Variants in CTU2 observed in about 807,000 individuals in gnomAD.
The protein encoded by CTU2 is cytoplasmic tRNA 2-thiolation protein 2.
A neutral mutation model predicts 64.1 loss-of-function variants in CTU2; 80 were observed. The observed-to-expected ratio is 1.25, with a 90% CI of 1.04 to 1.50. CTU2 has a LOEUF of 1.50. Ranked by LOEUF, CTU2 falls within the 40% of genes most tolerant of loss-of-function variation. CTU2 has a pLI of 0.00. For missense variants in CTU2, 1,110 were observed against 690.2 expected, an observed-to-expected ratio of 1.61 and a Z score of -6.81; for synonymous variants, 482 against 285.3, an observed-to-expected ratio of 1.69 and a Z score of -6.95.
chr16:88,714,519 G>GAGGGAGCC (rs1567652885), intron 11 of CTU2, 33 bp downstream of exon 11: 1 of 1,612,474 alleles, frequency 6.2e-7, no homozygotes, highest in Non-Finnish European at 8.5e-7. Context: ...GTGATGCGGG[G>GAGGGAGCC]AGGGAGCCAG....
chr16:88,715,134 G>T lies in CTU2; in HGVS notation c.1478+28G>T, dbSNP rs373156066. 5 of 1,605,536 alleles carry T rather than the reference G, an allele frequency of 3.1e-6. No individual in the cohort carries two copies. In the African/African-American group the frequency reaches 6.7e-5, roughly 21 times the overall value. Reference sequence around the variant, plus strand: ...ACTGGGGCCCACACTGCCGTGGCGCGTGGGTAAGGGGCCTCGGGGCTGGTG... The same window carrying T: ...ACTGGGGCCCACACTGCCGTGGCGCTTGGGTAAGGGGCCTCGGGGCTGGTG... On this transcript the variant is annotated intron_variant, in intron 14 of 14. Transcript: ENST00000453996.
At chr16:88,714,290 G>T (rs569858310) in intron 10 of CTU2, 63 bp downstream of exon 10, 8 of 1,568,120 alleles carry the variant, frequency 5.1e-6, no homozygotes, top group East Asian at 4.5e-5. Context: ...GGGTGTGTGC[G>T]GGTGGTGAGC....
chr16:88,706,860 C>T (rs1910890328), intron 1 of CTU2: 1 of 558,614 alleles, frequency 1.8e-6, no homozygotes, highest in South Asian at 2.4e-5. Context: ...AGAACTGGTG[C>T]CGTGAAGCTG....
At chr16:88,709,627 C>G in intron 2 of CTU2, 1 of 400,822 alleles carries the variant, frequency 2.5e-6, no homozygotes, top group South Asian at 2.9e-5. Context: ...ACTCCACCAG[C>G]TGGGCCCTTC....
intron 12 of CTU2, 21 bp downstream of exon 12, chr16:88,714,758 C>A: frequency 6.2e-7 from 1 of 1,605,484 alleles, no homozygotes; most frequent in South Asian, 1.1e-5. Context: ...GTCCCTGCCA[C>A]CCATGGCCAG....
At chr16:88,711,095 G>A (rs1911284549) in intron 4 of CTU2, among the ~76,000 whole-genome samples, 1 of 152,198 alleles carries the variant, frequency 6.6e-6, no homozygotes, top group Non-Finnish European at 1.5e-5. Flanking sequence ...GTGGGGTGTT[G>A]GTCTCAGGAT....
intron 4 of CTU2, 89 bp from the exon 5 acceptor site, chr16:88,711,545 GC>G: frequency 7.9e-7 from 1 of 1,268,924 alleles, no homozygotes; most frequent in Non-Finnish European, 1.1e-6. Flanking sequence ...TTCCAAGATG[GC>G]ATTAAATCCA....
At position 88,715,097 on chromosome 16, in the gene CTU2, GCA is replaced by G. The variant is rs1023594053; in HGVS notation, c.1474_1475del (p.Gln492GlufsTer14). Reference sequence around the variant, plus strand: ...TACATCCTGGCTGAGGCCCAGCTCCGCACACAGAGGTACTGGGGCCCACACTG... The same window carrying G: ...TACATCCTGGCTGAGGCCCAGCTCCGCACAGAGGTACTGGGGCCCACACTG... On this transcript the variant is annotated frameshift_variant, in exon 14 of 15. Transcript: ENST00000453996. LOFTEE classifies it low-confidence loss of function (END_TRUNC). 10 of 1,584,422 alleles carry G rather than the reference GCA, an allele frequency of 6.3e-6. No individual in the cohort carries two copies. The highest frequency in any genetic ancestry group is 3.5e-5 in the South Asian group (3 of 86,902).
At chr16:88,713,890 C>A in intron 9 of CTU2, 112 bp downstream of exon 9, 1 of 1,432,352 alleles carries the variant, frequency 7.0e-7, no homozygotes, top group Non-Finnish European at 9.7e-7. Flanking sequence ...GTGACTCCTG[C>A]TGTGGCCCCC....
intron 10 of CTU2, 43 bp downstream of exon 10, chr16:88,714,270 TGCTGTGC>T (rs369399187): frequency 1.6e-5 from 26 of 1,594,702 alleles, no homozygotes; most frequent in African/African-American, 1.4e-4. Context: ...CGCGGGTGTG[TGCTGTGC>T]GCGGGTGTGT....
Position 88,715,203 on chromosome 16 carries a change from C to G in CTU2, c.1500C>G (p.Ile500Met), listed in dbSNP as rs552203189. The G allele has an allele frequency of 1.2e-6, 2 of 1,612,466 alleles. No homozygotes were observed. Among genetic ancestry groups the G allele is most frequent in the East Asian group, 4.5e-5 (2 of 44,868 alleles). Residue 500 changes from isoleucine to methionine, a missense_variant, in exon 15 of 15, where the codon ATC becomes ATG. Physicochemically the swap from Ile to Met is conservative, Grantham distance 10 (BLOSUM62 1). Transcript: ENST00000453996. ...RTQRAWGLQE[I>M]RDCLIEDSDD... ...CTAGGGCCTGGGGCTTGCAGGAGAT[C>G]CGGGACTGTCTGATTGAGGACAGTG...
Position 88,713,700 on chromosome 16 carries a change from C to T in CTU2, c.927C>T (p.Asp309=), listed in dbSNP as rs1192153466. The T allele has an allele frequency of 6.2e-7, 1 of 1,612,640 alleles. No homozygotes were observed. Among genetic ancestry groups the T allele is most frequent in the Non-Finnish European group, 8.5e-7 (1 of 1,179,886 alleles). ...GDVVVVRPMR[D]HTLKEVAFYN... is the part of the protein sequence containing the mutation. ...TGGTGGTGGTGCGGCCCATGCGGGA[C>T]CACACCCTGAAGGAGGTCGCTTTCT... Residue 309 remains aspartate (D), a synonymous_variant, in exon 9 of 15, where the codon GAC becomes GAT. Coordinates refer to ENST00000453996, the MANE Select transcript of CTU2 (RefSeq NM_001012759.3).
Position 88,715,102 on chromosome 16 carries a change from CAG to C in CTU2, c.1477_1478del (p.Arg493GlyfsTer13), listed in dbSNP as rs774756489. 6.2e-5 allele frequency: 98 copies of C among 1,587,674 alleles called. 1 individual carries two copies. In the South Asian group the frequency reaches 1.0e-3, roughly 16 times the overall value. ...CCTGGCTGAGGCCCAGCTCCGCACACAGAGGTACTGGGGCCCACACTGCCGTG... is the reference window on the plus strand; with the variant it reads ...CCTGGCTGAGGCCCAGCTCCGCACACAGGTACTGGGGCCCACACTGCCGTG... ...YILAEAQLRT[Q>X]RAWGLQEIRD... On this transcript the variant is annotated frameshift_variant and splice_region_variant, in exon 14 of 15. Coordinates refer to ENST00000453996, the MANE Select transcript of CTU2 (RefSeq NM_001012759.3). LOFTEE classifies it low-confidence loss of function (END_TRUNC).
chr16:88,709,721 G>A (rs566190122), intron 2 of CTU2: 21 of 576,318 alleles, frequency 3.6e-5, no homozygotes, highest in African/African-American at 1.1e-4. Context: ...GTACCTGGTC[G>A]TGGGAGGGGC....
In CTU2 at chr16:88,714,855, C is replaced by A. The variant is rs200806660; in HGVS notation, c.1353-5C>A. ...GTGGGCACACAGCCAGCTCTGCTCC[C>A]GCAGGGAGGACCCCCAAGCCTGCAT... is the stretch of plus-strand genomic sequence containing the variant. On this transcript the variant is annotated splice_region_variant and splice_polypyrimidine_tract_variant and intron_variant, in intron 12 of 14. Transcript: ENST00000453996. 6 of 1,612,590 alleles carry A rather than the reference C, an allele frequency of 3.7e-6. No homozygotes were observed. In the East Asian group the frequency reaches 1.1e-4, roughly 30 times the overall value.
intron 2 of CTU2, 172 bp from the exon 3 acceptor site, chr16:88,709,766 G>A (rs1309586386): frequency 1.6e-6 from 1 of 639,846 alleles, no homozygotes; most frequent in African/African-American, 1.8e-5. Flanking sequence ...GGAAGCCACT[G>A]CCAGAGGGGC....
chr16:88,715,289 C>G lies in CTU2; in HGVS notation c.*38C>G. ...GCTTGCCGGGACAGCAGGCAGTGGC[C>G]ACCTGGTACACCACACTGGAGCCGG... On this transcript the variant is annotated 3_prime_UTR_variant, in exon 15 of 15. Transcript: ENST00000453996. 6.3e-7 allele frequency: 1 copy of G among 1,596,280 alleles called. No homozygotes were observed. The highest frequency in any genetic ancestry group is 8.5e-7 in the Non-Finnish European group (1 of 1,171,760).
chr16:88,708,118 T>C (rs1327933392), intron 2 of CTU2, among the ~76,000 whole-genome samples: 2 of 152,142 alleles, frequency 1.3e-5, no homozygotes, highest in African/African-American at 4.8e-5. Flanking sequence ...CTGGCCAAGA[T>C]AGGTACTTCT....
chr16:88,710,502 G>A (rs1911231680), intron 4 of CTU2: 2 of 564,984 alleles, frequency 3.5e-6, no homozygotes, highest in Non-Finnish European at 6.3e-6. Flanking sequence ...TGTGTTTACA[G>A]CAGGTGCACA....
Sources: allele counts gnomAD v4.1 joint callset (sites outside exome capture counted in the v4.1 genomes callset), GRCh38; gene constraint gnomAD v4.1.1; transcripts MANE v1.5; gene names NCBI Gene and HGNC (gene_info 2026-07-23, HGNC 2026-07-21).